Variants in ADAM28 observed in about 807,000 individuals in gnomAD.
ADAM28 encodes the protein ADAM metallopeptidase domain 28.
ADAM28 carries 105 observed loss-of-function variants against 101.2 expected under a neutral mutation model. The ratio of observed to expected loss-of-function variants is 1.04; its 90% CI spans 0.89 to 1.22. The LOEUF (loss-of-function observed/expected upper bound fraction) is 1.22, where lower values mean the gene tolerates loss of function less well. ADAM28 is among the 50% of genes most tolerant of loss of function. The probability of loss-of-function intolerance (pLI) is 0.00; values close to 1 mark genes in which losing one functional copy is unlikely to be tolerated. For synonymous variants in ADAM28, 322 were observed against 310.6 expected, an observed-to-expected ratio of 1.04 and a Z score of -0.39; for missense variants, 1,028 against 945.4, an observed-to-expected ratio of 1.09 and a Z score of -1.15.
chr8:24,340,487 G>A (rs1452399861), intron 15 of ADAM28, among the ~76,000 whole-genome samples: 4 of 152,176 alleles, frequency 2.6e-5, no homozygotes, highest in Non-Finnish European at 2.9e-5. Context: ...ATTGTAGGTG[G>A]TGAATGGGAA....
Position 24,330,117 on chromosome 8 carries a change from T to C in ADAM28, c.1103+2T>C. On this transcript the variant is annotated splice_donor_variant, in intron 11 of 22. Coordinates refer to ENST00000265769, the MANE Select transcript of ADAM28 (RefSeq NM_014265.6). LOFTEE classifies it high-confidence loss of function. Reference sequence around the variant, plus strand: ...ATGTGTGATGGACAAAGCACTGAGGTGAGGCTCTCTGGGCCCTGGGGACAT... The same window carrying C: ...ATGTGTGATGGACAAAGCACTGAGGCGAGGCTCTCTGGGCCCTGGGGACAT... 1 of 1,612,102 alleles carries C rather than the reference T, an allele frequency of 6.2e-7. No homozygotes were observed. The highest frequency in any genetic ancestry group is 8.5e-7 in the Non-Finnish European group (1 of 1,178,624).
At chr8:24,330,780 G>C (rs1813264209) in intron 11 of ADAM28, among the ~76,000 whole-genome samples, 1 of 152,124 alleles carries the variant, frequency 6.6e-6, no homozygotes, top group African/African-American at 2.4e-5. Flanking sequence ...TTATCTGTAG[G>C]ATGAAGAGAT....
chr8:24,336,262 G>A (rs777780127), intron 14 of ADAM28: 24 of 800,952 alleles, frequency 3.0e-5, no homozygotes, highest in African/African-American at 3.8e-5. Context: ...AGAGATATCC[G>A]AAAATTTAAA....
chr8:24,349,084 T>G (rs1585741901), intron 18 of ADAM28, among the ~76,000 whole-genome samples: 1 of 152,230 alleles, frequency 6.6e-6, no homozygotes, highest in African/African-American at 2.4e-5. Flanking sequence ...TCTGCATGTG[T>G]GTGTGTGCTC....
intron 22 of ADAM28, among the ~76,000 whole-genome samples, 158 bp downstream of exon 22, chr8:24,353,990 C>T (rs1816482849): frequency 6.6e-6 from 1 of 151,410 alleles, no homozygotes; most frequent in Non-Finnish European, 1.5e-5. Context: ...CTCGGTATGG[C>T]CAATAATTAA....
intron 2 of ADAM28, 25 bp from the exon 3 acceptor site, chr8:24,309,869 A>T (rs764477575): frequency 1.4e-6 from 2 of 1,441,098 alleles, no homozygotes; most frequent in Admixed American, 3.6e-5. Flanking sequence ...TTTAATTACA[A>T]GTAAATGTTT....
At chr8:24,307,806 C>T (rs901923188) in intron 2 of ADAM28, among the ~76,000 whole-genome samples, 4 of 152,246 alleles carry the variant, frequency 2.6e-5, no homozygotes, top group Admixed American at 1.3e-4. Flanking sequence ...TGGCCCATGT[C>T]GTAAAAGAAA....
chr8:24,343,168 G>T lies in ADAM28; in HGVS notation c.1898G>T (p.Cys633Phe). ...AAATCAACCAATTGCTCATCTAAGT[G>T]CAAAGGACATGCTGTAAGTTCTGAA... ...AYKSTNCSSK[C>F]KGHAVCDHEL... The change falls in exon 17 of 23, where the codon TGC (cysteine) becomes TTC (phenylalanine). Residue 633 changes from cysteine (C) to phenylalanine (F), a missense_variant. Physicochemically the swap from Cys to Phe is radical, Grantham distance 205 (BLOSUM62 -2). Coordinates refer to ENST00000265769, the MANE Select transcript of ADAM28 (RefSeq NM_014265.6). 6.2e-7 allele frequency: 1 copy of T among 1,613,804 alleles called. No homozygotes were observed. The highest frequency in any genetic ancestry group is 1.1e-5 in the South Asian group (1 of 91,072).
Position 24,302,530 on chromosome 8 carries a change from C to T in ADAM28, c.150+2453C>T, listed in dbSNP as rs568563533. Among the ~76,000 whole-genome samples the T allele has an allele frequency of 4.6e-5, 7 of 152,296 alleles. No individual in the cohort carries two copies. The South Asian group carries it at 6.2e-4, about 14-fold the overall frequency. On this transcript the variant is annotated intron_variant, in intron 2 of 22. Coordinates refer to ENST00000265769, the MANE Select transcript of ADAM28 (RefSeq NM_014265.6). Reference sequence around the variant, plus strand: ...GGAATTGCCACACCGTCTTCCACAACGGTTGAACTAAATTACGTTCCCACC... The same window carrying T: ...GGAATTGCCACACCGTCTTCCACAATGGTTGAACTAAATTACGTTCCCACC...
Position 24,335,525 on chromosome 8 carries a change from A to G in ADAM28, c.1451A>G (p.Asn484Ser). 4.3e-6 allele frequency: 7 copies of G among 1,614,152 alleles called. No homozygotes were observed. The highest frequency in any genetic ancestry group is 5.9e-6 in the Non-Finnish European group (7 of 1,180,018). ...GAAATGTGTAATGGTAAATCTGGTA[A>G]TTGTCCTGATGATAGATTCCAAGTC... is the stretch of plus-strand genomic sequence containing the variant. ...LPEMCNGKSG[N>S]CPDDRFQVNG... Residue 484 changes from asparagine to serine, a missense_variant, in exon 14 of 23, where the codon AAT (asparagine) becomes AGT (serine). Coordinates refer to ENST00000265769, the MANE Select transcript of ADAM28 (RefSeq NM_014265.6).
rs895196815 is a variant in ADAM28 at position 24,358,675 on chromosome 8, T to G, written c.*4271T>G. On this transcript the variant is annotated 3_prime_UTR_variant, in exon 23 of 23. Coordinates refer to ENST00000265769, the MANE Select transcript of ADAM28 (RefSeq NM_014265.6). ...TTTTAGCAACTAGGCCTGGGTGGTCTGCTACAATGCCCAACACTTAATACA... is the reference window on the plus strand; with the variant it reads ...TTTTAGCAACTAGGCCTGGGTGGTCGGCTACAATGCCCAACACTTAATACA... The G allele has an allele frequency of 1.1e-4, 17 of 152,248 alleles. No individual in the cohort carries two copies. Among genetic ancestry groups the G allele is most frequent in the African/African-American group, 4.1e-4 (17 of 41,472 alleles). 9.4% of individuals were successfully genotyped at this position (152,248 alleles called of 1,614,324 possible). A position where few individuals can be genotyped will look rare whatever the true frequency, so the allele number is the denominator to read the frequency against.
At chr8:24,345,434 T>A (rs1815290667) in intron 18 of ADAM28, among the ~76,000 whole-genome samples, 1 of 152,088 alleles carries the variant, frequency 6.6e-6, no homozygotes, top group Non-Finnish European at 1.5e-5. Flanking sequence ...CTCTGTATCA[T>A]AATATACATT....
chr8:24,314,174 G>T (rs910453791), intron 6 of ADAM28, among the ~76,000 whole-genome samples: 1 of 152,114 alleles, frequency 6.6e-6, no homozygotes, highest in African/African-American at 2.4e-5. Context: ...AAACCACAAA[G>T]ATATAAAGTA....
rs1052808295 is a variant in ADAM28, at chr8:24,300,064, A to G, written c.137A>G (p.Glu46Gly). The G allele has an allele frequency of 1.1e-5, 18 of 1,613,418 alleles. No individual in the cohort carries two copies. The highest frequency in any genetic ancestry group is 1.5e-5 in the Non-Finnish European group (18 of 1,179,876). ...LHPLHKREAK[E>G]PEQQEQFETE... ...CCACTGCATAAAAGAGAGGCCAAAGAGCCAGAGCAACAGGTACAGCTTTTG... is the reference window on the plus strand; with the variant it reads ...CCACTGCATAAAAGAGAGGCCAAAGGGCCAGAGCAACAGGTACAGCTTTTG... The change falls in exon 2 of 23, where the codon GAG (glutamate) becomes GGG (glycine). Residue 46 changes from glutamate (E) to glycine (G), a missense_variant. Glu to Gly is a moderately conservative substitution (Grantham distance 98). Coordinates refer to ENST00000265769, the MANE Select transcript of ADAM28 (RefSeq NM_014265.6).
chr8:24,335,387 G>A (rs1813888875), intron 13 of ADAM28, 59 bp from the exon 14 acceptor site: 1 of 1,484,128 alleles, frequency 6.7e-7, no homozygotes, highest in African/African-American at 1.4e-5. Flanking sequence ...GTTAATTTGA[G>A]GTATTAGGGT....
At chr8:24,326,509 G>A (rs1585634446) in intron 9 of ADAM28, 45 bp from the exon 10 acceptor site, 1 of 1,561,784 alleles carries the variant, frequency 6.4e-7, no homozygotes, top group African/African-American at 1.4e-5. Flanking sequence ...TAAAAATAGA[G>A]CTTAGCATTA....
Position 24,310,259 on chromosome 8 carries a change from C to T in ADAM28, c.306+18C>T, listed in dbSNP as rs1810274740. ...AAATTATGGTATAACGGAGTCTCTT[C>T]AATTCTTTAATTAGGGTTTTACCCA... On this transcript the variant is annotated intron_variant, in intron 4 of 22. Transcript: ENST00000265769. The T allele has an allele frequency of 3.1e-6, 5 of 1,606,058 alleles. No individual in the cohort carries two copies. In the African/African-American group the frequency reaches 6.7e-5, roughly 22 times the overall value.
chr8:24,311,212 A>T, intron 4 of ADAM28, 149 bp from the exon 5 acceptor site: 1 of 557,702 alleles, frequency 1.8e-6, no homozygotes, highest in Non-Finnish European at 3.1e-6. Context: ...GAAAGATTTT[A>T]ATTATTTTTT....
intron 20 of ADAM28, 39 bp downstream of exon 20, chr8:24,351,349 A>C: frequency 6.3e-7 from 1 of 1,581,296 alleles, no homozygotes; most frequent in Non-Finnish European, 8.7e-7. Context: ...CCATGGCCCC[A>C]CTTTGCGTTT....
Sources: gnomAD v4.1 joint callset for allele counts (sites outside exome capture counted in the v4.1 genomes callset) on GRCh38, gnomAD v4.1.1 for gene constraint, MANE v1.5 for transcripts, NCBI Gene and HGNC (gene_info 2026-07-23, HGNC 2026-07-21) for gene names.